Variants in PRIMPOL observed in about 807,000 individuals in gnomAD.
PRIMPOL encodes primase and DNA directed polymerase.
A neutral mutation model predicts 63.6 loss-of-function variants in PRIMPOL; 54 were observed. That is an observed-to-expected ratio of 0.85 (90% CI 0.68 to 1.07). The LOEUF (loss-of-function observed/expected upper bound fraction) is 1.07. PRIMPOL is among the 50% of genes least tolerant of loss of function. The pLI is 0.00. For missense variants in PRIMPOL, 610 were observed against 648.3 expected, an observed-to-expected ratio of 0.94 and a Z score of 0.64; for synonymous variants, 197 against 220.2, an observed-to-expected ratio of 0.89 and a Z score of 0.93.
chr4:184,694,156 T>G, intron 13 of PRIMPOL: 1 of 906,470 alleles, frequency 1.1e-6, no homozygotes, highest in Non-Finnish European at 1.3e-6. Context: ...ATTTAAAGCA[T>G]GGGTACTAAG....
intron 4 of PRIMPOL, among the ~76,000 whole-genome samples, 162 bp from the exon 5 acceptor site, chr4:184,661,612 A>G (rs375182531): frequency 1.2e-4 from 18 of 152,326 alleles, no homozygotes; most frequent in East Asian, 9.6e-4. Flanking sequence ...AGGCTGAGGC[A>G]GGAGAATCGC....
chr4:184,666,136 T>G (rs2150068796), intron 6 of PRIMPOL, 72 bp downstream of exon 6: 1 of 1,208,842 alleles, frequency 8.3e-7, no homozygotes, highest in East Asian at 2.5e-5. Flanking sequence ...TCTTAAAATT[T>G]TGTGTGTACT....
chr4:184,661,466 G>A (rs1264203663), intron 4 of PRIMPOL, among the ~76,000 whole-genome samples: 1 of 152,180 alleles, frequency 6.6e-6, no homozygotes, highest in African/African-American at 2.4e-5. Context: ...CAGCACTTTG[G>A]GAGGCTGAGG....
At chr4:184,691,473 C>CT (rs35926668) in intron 11 of PRIMPOL, 26 bp from the exon 12 acceptor site, 7,326 of 1,207,214 alleles carry the variant, frequency 6.1e-3, no homozygotes, top group East Asian at 0.012. Flanking sequence ...GGTATTAATA[C>CT]TTTTTTTTTT....
At chr4:184,680,151 A>G (rs1442782449) in intron 8 of PRIMPOL, among the ~76,000 whole-genome samples, 1 of 151,858 alleles carries the variant, frequency 6.6e-6, no homozygotes, top group African/African-American at 2.4e-5. Context: ...AGACTAAATT[A>G]CCATCAACTT....
intron 7 of PRIMPOL, 82 bp downstream of exon 7, chr4:184,672,542 C>A: frequency 1.5e-6 from 2 of 1,375,534 alleles, no homozygotes; most frequent in Non-Finnish European, 1.0e-6. Flanking sequence ...CGTCACCGTG[C>A]TCGGGATTCT....
chr4:184,685,720 A>ATAT, intron 11 of PRIMPOL, 36 bp downstream of exon 11: 1 of 877,068 alleles, frequency 1.1e-6, no homozygotes, highest in Non-Finnish European at 1.7e-6. Context: ...TATTTAACCA[A>ATAT]TATTATATTT....
intron 11 of PRIMPOL, among the ~76,000 whole-genome samples, chr4:184,688,534 G>A (rs1047722767): frequency 2.0e-5 from 3 of 152,194 alleles, no homozygotes; most frequent in Non-Finnish European, 4.4e-5. Context: ...GGGGCAGAGT[G>A]AGGCCCGGGG....
intron 2 of PRIMPOL, among the ~76,000 whole-genome samples, chr4:184,655,195 A>G (rs1455263586): frequency 1.3e-5 from 2 of 151,870 alleles, no homozygotes; most frequent in Non-Finnish European, 2.9e-5. Context: ...TTTTTAGTAG[A>G]GACGGGGTTT....
intron 1 of PRIMPOL, among the ~76,000 whole-genome samples, chr4:184,650,650 C>T (rs79898954): frequency 6.6e-6 from 1 of 152,152 alleles, no homozygotes; most frequent in Non-Finnish European, 1.5e-5. Context: ...GGGTCGTGAA[C>T]TCATTTCAGA....
Position 184,667,380 on chromosome 4 carries a change from G to A in PRIMPOL, c.556+1316G>A, listed in dbSNP as rs571712971. Among the ~76,000 whole-genome samples, 501 of 151,768 alleles carry A rather than the reference G, an allele frequency of 3.3e-3. 4 individuals are homozygous for A. Among genetic ancestry groups the A allele is most frequent in the Middle Eastern group, 0.028 (8 of 290 alleles). On this transcript the variant is annotated intron_variant, in intron 6 of 13. Coordinates refer to ENST00000314970, the MANE Select transcript of PRIMPOL (RefSeq NM_152683.4). ...GGCTGGAGTGCAGTGGCACGTTCTT[G>A]GCTCACTGCAACCTCCGCCTCCCGG...
intron 6 of PRIMPOL, among the ~76,000 whole-genome samples, chr4:184,670,624 C>A (rs548480578): frequency 4.0e-5 from 6 of 150,552 alleles, no homozygotes; most frequent in Non-Finnish European, 7.4e-5. Flanking sequence ...TCTTGGCTCA[C>A]TGCAACCTCC....
intron 1 of PRIMPOL, 77 bp from the exon 2 acceptor site, chr4:184,651,946 C>A (rs1169230896): frequency 6.6e-6 from 1 of 152,388 alleles, no homozygotes; most frequent in African/African-American, 2.4e-5. Context: ...CCGTGCCCAG[C>A]CAAACATTTT....
Position 184,691,551 on chromosome 4 carries a change from G to C in PRIMPOL, c.1348G>C (p.Val450Leu), listed in dbSNP as rs1451104295. Residue 450 changes from valine to leucine, a missense_variant, in exon 12 of 14, where the codon GTA (valine) becomes CTA (leucine). Coordinates refer to ENST00000314970, the MANE Select transcript of PRIMPOL (RefSeq NM_152683.4). The part of the protein sequence containing the change: ...EVWYQKCHDP[V>L]CKAENFKSDC... ...TTGGTATCAAAAATGTCATGACCCT[G>C]TATGTAAAGCAGAAAACTTCAAATC... is the stretch of plus-strand genomic sequence containing the variant. 2 of 1,608,058 alleles carry C rather than the reference G, an allele frequency of 1.2e-6. No individual in the cohort carries two copies. Among genetic ancestry groups the C allele is most frequent in the South Asian group, 1.1e-5 (1 of 90,814 alleles).
intron 2 of PRIMPOL, among the ~76,000 whole-genome samples, chr4:184,655,224 G>A (rs772378632): frequency 6.6e-6 from 1 of 151,660 alleles, no homozygotes; most frequent in South Asian, 2.1e-4. Context: ...TGGTCAGGCT[G>A]GTCTCGAACT....
At chr4:184,682,391 C>A in intron 9 of PRIMPOL, 55 bp downstream of exon 9, 1 of 974,476 alleles carries the variant, frequency 1.0e-6, no homozygotes, top group Non-Finnish European at 1.6e-6. Context: ...CATTGTCACC[C>A]AGGCTGGAGT....
intron 8 of PRIMPOL, 49 bp downstream of exon 8, chr4:184,678,443 A>G: frequency 1.5e-6 from 2 of 1,339,736 alleles, no homozygotes; most frequent in Non-Finnish European, 1.0e-6. Flanking sequence ...ATATTTATTA[A>G]ACAGTGAATG....
chr4:184,690,675 G>T (rs1052044933), intron 11 of PRIMPOL, among the ~76,000 whole-genome samples: 2 of 152,124 alleles, frequency 1.3e-5, no homozygotes, highest in South Asian at 4.1e-4. Flanking sequence ...GGCCAGGCTG[G>T]TCTCTTTATT....
chr4:184,690,837 G>C (rs1420738215), intron 11 of PRIMPOL, among the ~76,000 whole-genome samples: 1 of 152,132 alleles, frequency 6.6e-6, no homozygotes, highest in African/African-American at 2.4e-5. Context: ...AGTCCACTCA[G>C]GTCTAAGCGT....
Sources: gnomAD v4.1 joint callset for allele counts (sites outside exome capture counted in the v4.1 genomes callset) on GRCh38, gnomAD v4.1.1 for gene constraint, MANE v1.5 for transcripts, NCBI Gene and HGNC (gene_info 2026-07-23, HGNC 2026-07-21) for gene names.